VWF: variants seen among roughly 807,000 people sequenced by gnomAD.
VWF encodes the protein von Willebrand factor, also known as Factor VIII related antigen.
VWF carries 176 observed loss-of-function variants against 308.6 expected under a neutral mutation model. That is an observed-to-expected ratio of 0.57 (90% CI 0.50 to 0.65). The LOEUF is 0.65. Ranked by LOEUF, VWF falls within the 30% of genes least tolerant of loss-of-function variation. The pLI, the probability that VWF is intolerant of heterozygous loss-of-function variation, is 0.00. For synonymous variants in VWF, 1,385 were observed against 1,443.4 expected (o/e 0.96, Z 0.92); for missense variants, 3,146 against 3,648.2 (o/e 0.86, Z 3.55).
intron 43 of VWF, among the ~76,000 whole-genome samples, chr12:5,975,059 C>T (rs552519573): frequency 2.5e-4 from 38 of 152,228 alleles, no homozygotes; most frequent in Non-Finnish European, 4.7e-4. Context: ...AAAGGGTTTC[C>T]AAAACTTAGT....
chr12:6,026,804 G>A (rs948928627), intron 22 of VWF, among the ~76,000 whole-genome samples: 6 of 152,108 alleles, frequency 3.9e-5, no homozygotes, highest in Middle Eastern at 3.2e-3. Flanking sequence ...ATGTTTGAGG[G>A]AACAGATATA....
At chr12:5,980,145 G>A (rs1345266879) in intron 42 of VWF, among the ~76,000 whole-genome samples, 14 of 90,086 alleles carry the variant, frequency 1.6e-4, no homozygotes, top group Non-Finnish European at 2.2e-4. Context: ...GAAGAAAGGA[G>A]TGAGGGAGGG....
Position 5,953,601 on chromosome 12 carries a change from C to T in VWF, c.7888-7G>A, listed in dbSNP as rs777300642. On this transcript the variant is annotated splice_region_variant and splice_polypyrimidine_tract_variant and intron_variant, in intron 47 of 51. Transcript: ENST00000261405. ...TATTTTCTTCCTTGTAACCCTGCATCCAGAGGGGGAAAAAGCAGCCATAGT... is the reference window on the plus strand; with the variant it reads ...TATTTTCTTCCTTGTAACCCTGCATTCAGAGGGGGAAAAAGCAGCCATAGT... The T allele has an allele frequency of 4.3e-6, 7 of 1,612,654 alleles. No homozygotes were observed. Among genetic ancestry groups the T allele is most frequent in the Admixed American group, 1.7e-5 (1 of 60,008 alleles).
chr12:6,104,044 T>G (rs1275640171), intron 5 of VWF, among the ~76,000 whole-genome samples: 2 of 151,968 alleles, frequency 1.3e-5, no homozygotes, highest in Admixed American at 1.3e-4. Context: ...GTATCCAGAA[T>G]ACACAAGGAA....
In VWF at chr12:6,013,479, A is replaced by C. The variant is rs758879278; in HGVS notation, c.5620+2T>G. 1.9e-6 allele frequency: 3 copies of C among 1,614,182 alleles called. No individual in the cohort carries two copies. The highest frequency in any genetic ancestry group is 8.5e-7 in the Non-Finnish European group (1 of 1,180,036). On this transcript the variant is annotated splice_donor_variant, in intron 32 of 51. Transcript: ENST00000261405. LOFTEE classifies it high-confidence loss of function. ...AAGTAAGAAAGGTATTATAAGACTC[A>C]CCAGAGCACAGTTTGTGGAGGAAGG...
At chr12:6,115,611 G>T (rs1945355414) in intron 3 of VWF, among the ~76,000 whole-genome samples, 1 of 152,144 alleles carries the variant, frequency 6.6e-6, no homozygotes, top group Non-Finnish European at 1.5e-5. Flanking sequence ...TAGGACCCAT[G>T]GCCCATGACT....
At chr12:5,997,161 G>T (rs1411815681) in intron 34 of VWF, among the ~76,000 whole-genome samples, 1 of 152,150 alleles carries the variant, frequency 6.6e-6, no homozygotes, top group African/African-American at 2.4e-5. Flanking sequence ...GATGGGTCTG[G>T]AAGCACCATC....
intron 3 of VWF, among the ~76,000 whole-genome samples, chr12:6,113,083 G>A (rs368478356): frequency 1.3e-4 from 20 of 152,200 alleles, no homozygotes; most frequent in East Asian, 1.2e-3. Context: ...CACATTCTGC[G>A]GAGCTCCAGA....
At position 5,959,321 on chromosome 12, in the gene VWF, G is replaced by A. The variant is rs1565809316; in HGVS notation, c.7888-5727C>T. Among the ~76,000 whole-genome samples the A allele has an allele frequency of 2.0e-5, 3 of 152,282 alleles. No individual in the cohort carries two copies. The South Asian group carries it at 6.2e-4, about 32-fold the overall frequency. On this transcript the variant is annotated intron_variant, in intron 47 of 51. Coordinates refer to ENST00000261405, the MANE Select transcript of VWF (RefSeq NM_000552.5). ...GCATCTACAGAACTTCATAATATAT[G>A]AAGCAAAAATGGATAGAACTAAAGG...
At position 5,982,006 on chromosome 12, in the gene VWF, A is replaced by C. The variant is rs767865329; in HGVS notation, c.7082-15T>G. On this transcript the variant is annotated splice_polypyrimidine_tract_variant and intron_variant, in intron 41 of 51. Transcript: ENST00000261405. ...CTTCCTGCAGGCTGAGGGTAGGACAAGGCCACACTGAGCACTGCGCCCAGC... is the reference window on the plus strand; with the variant it reads ...CTTCCTGCAGGCTGAGGGTAGGACACGGCCACACTGAGCACTGCGCCCAGC... The C allele has an allele frequency of 1.2e-6, 2 of 1,612,456 alleles. No homozygotes were observed. The highest frequency in any genetic ancestry group is 2.2e-5 in the South Asian group (2 of 90,998).
intron 16 of VWF, among the ~76,000 whole-genome samples, chr12:6,051,441 G>A (rs796153053): frequency 4.6e-5 from 7 of 151,938 alleles, no homozygotes; most frequent in African/African-American, 1.4e-4. Flanking sequence ...ACAGGCACCC[G>A]CTACCACACC....
intron 16 of VWF, among the ~76,000 whole-genome samples, 192 bp from the exon 17 acceptor site, chr12:6,047,009 T>A (rs1944452925): frequency 6.6e-6 from 1 of 152,182 alleles, no homozygotes; most frequent in Non-Finnish European, 1.5e-5. Context: ...CTTTTTTCAG[T>A]TATTTGCTTA....
In VWF at chr12:6,072,138, T is replaced by C. The variant is rs930699100; in HGVS notation, c.1109+193A>G. ...TCCCCATCTTCAAGGCTTATTTATC[T>C]GTAATATACTCTTTGCTCCCCATCA... On this transcript the variant is annotated intron_variant, in intron 9 of 51. Coordinates refer to ENST00000261405, the MANE Select transcript of VWF (RefSeq NM_000552.5). Among the ~76,000 whole-genome samples, 27 of 152,202 alleles carry C rather than the reference T, an allele frequency of 1.8e-4. 1 individual carries two copies. Among genetic ancestry groups the C allele is most frequent in the Non-Finnish European group, 5.9e-5 (4 of 68,038 alleles).
At chr12:6,056,793 G>A in intron 15 of VWF, 64 bp downstream of exon 15, 1 of 1,285,378 alleles carries the variant, frequency 7.8e-7, no homozygotes, top group South Asian at 2.2e-5. Flanking sequence ...AAAGGGCTTC[G>A]AAAAGCACAC....
At chr12:5,952,599 T>C in intron 48 of VWF, 80 bp from the exon 49 acceptor site, 2 of 1,559,440 alleles carry the variant, frequency 1.3e-6, no homozygotes, top group Non-Finnish European at 1.7e-6. Context: ...CTTGACTCCA[T>C]GGAGATGACG....
chr12:6,105,913 T>G (rs1034740298), intron 5 of VWF, among the ~76,000 whole-genome samples: 3 of 151,632 alleles, frequency 2.0e-5, no homozygotes, highest in Non-Finnish European at 4.4e-5. Flanking sequence ...CGTGGTGGCA[T>G]GCGCCTGTAG....
At chr12:5,961,256 C>T (rs1424509944) in intron 47 of VWF, among the ~76,000 whole-genome samples, 1 of 152,074 alleles carries the variant, frequency 6.6e-6, no homozygotes, top group Non-Finnish European at 1.5e-5. Context: ...GCATAATAAA[C>T]ATAATGCATC....
At chr12:6,023,266 C>G (rs1378364554) in intron 25 of VWF, among the ~76,000 whole-genome samples, 1 of 152,100 alleles carries the variant, frequency 6.6e-6, no homozygotes, top group East Asian at 1.9e-4. Context: ...TCCAAAGAAG[C>G]AAGATTCTAT....
At chr12:5,982,075 CT>C in intron 41 of VWF, 84 bp from the exon 42 acceptor site, 1 of 1,336,660 alleles carries the variant, frequency 7.5e-7, no homozygotes, top group Non-Finnish European at 1.1e-6. Context: ...TGCCAGGGAG[CT>C]TTAGACTCAG....
Sources: allele counts gnomAD v4.1 joint callset (sites outside exome capture counted in the v4.1 genomes callset), GRCh38; gene constraint gnomAD v4.1.1; transcripts MANE v1.5; gene names NCBI Gene and HGNC (gene_info 2026-07-23, HGNC 2026-07-21).